LRRC4C: variants seen among roughly 807,000 people sequenced by gnomAD.
LRRC4C encodes leucine-rich repeat-containing protein 4C.
A neutral mutation model predicts 33.6 loss-of-function variants in LRRC4C; 5 were observed. The observed-to-expected ratio is 0.15, with a 90% CI of 0.08 to 0.31. The LOEUF (loss-of-function observed/expected upper bound fraction) is 0.31. LRRC4C is among the 10% of genes least tolerant of loss of function. LRRC4C has a pLI of 1.00. For missense variants in LRRC4C, 560 were observed against 796.7 expected (o/e 0.70, Z 3.58); for synonymous variants, 329 against 302.0 (o/e 1.09, Z -0.93).
chr11:40,923,960 A>C (rs1471771178), intron 2 of LRRC4C, among the ~76,000 whole-genome samples: 1 of 152,062 alleles, frequency 6.6e-6, no homozygotes, highest in Non-Finnish European at 1.5e-5. Context: ...TTAGCAATGC[A>C]TTAGAGAAAA....
intron 3 of LRRC4C, among the ~76,000 whole-genome samples, chr11:40,583,177 A>G (rs1460299042): frequency 1.3e-5 from 2 of 152,144 alleles, no homozygotes; most frequent in African/African-American, 2.4e-5. Flanking sequence ...GGGTGACCAC[A>G]TGACTGATAA....
At chr11:40,938,016 A>G (rs1283490534) in intron 1 of LRRC4C, among the ~76,000 whole-genome samples, 1 of 152,144 alleles carries the variant, frequency 6.6e-6, no homozygotes, top group African/African-American at 2.4e-5. Flanking sequence ...GAGTAATAGC[A>G]GTAATTCTCT....
chr11:41,351,250 C>T (rs975940307), intron 1 of LRRC4C, among the ~76,000 whole-genome samples: 6 of 88,604 alleles, frequency 6.8e-5, no homozygotes, highest in African/African-American at 2.0e-4. Flanking sequence ...CACACACACA[C>T]ATACACACAC....
chr11:40,159,120 T>G (rs1858949839), intron 5 of LRRC4C, among the ~76,000 whole-genome samples: 1 of 152,070 alleles, frequency 6.6e-6, no homozygotes, highest in Admixed American at 6.5e-5. Flanking sequence ...AGATGAAAAT[T>G]TGGTCGTTGT....
chr11:41,318,774 C>T (rs1950869479), intron 1 of LRRC4C, among the ~76,000 whole-genome samples: 1 of 152,016 alleles, frequency 6.6e-6, no homozygotes, highest in African/African-American at 2.4e-5. Context: ...TTTCACTAAC[C>T]TCTCCTTTTC....
chr11:40,334,539 G>A lies in LRRC4C; in HGVS notation c.-269-14818C>T, dbSNP rs370683538. Among the ~76,000 whole-genome samples the A allele has an allele frequency of 3.4e-4, 52 of 152,262 alleles. 1 individual carries two copies. The South Asian group carries it at 0.011, about 31-fold the overall frequency. On this transcript the variant is annotated intron_variant, in intron 3 of 6. Transcript: ENST00000528697. ...GTCTACCTTCTATCTCATTAGGTGT[G>A]TGTACTCATAATTGTTTTGTGGTTA...
chr11:40,944,694 C>G (rs1286099540), intron 1 of LRRC4C, among the ~76,000 whole-genome samples: 1 of 152,078 alleles, frequency 6.6e-6, no homozygotes, highest in African/African-American at 2.4e-5. Context: ...ATTCTGCAAA[C>G]ACCTGGTAGG....
At chr11:40,169,635 A>G (rs1320340432) in intron 5 of LRRC4C, among the ~76,000 whole-genome samples, 1 of 152,190 alleles carries the variant, frequency 6.6e-6, no homozygotes, top group Non-Finnish European at 1.5e-5. Flanking sequence ...ATTGTTGGGA[A>G]AGACAAGGCA....
In LRRC4C at chr11:40,574,820, C is replaced by T. The variant is rs536868379; in HGVS notation, c.-270+73322G>A. Among the ~76,000 whole-genome samples the T allele has an allele frequency of 3.5e-3, 537 of 152,276 alleles. 1 individual carries two copies. Among genetic ancestry groups the T allele is most frequent in the African/African-American group, 0.01 (432 of 41,552 alleles). Reference sequence around the variant, plus strand: ...TTCATTCAATTTCTTTCCACATCCTCCTCCCAGGACCTTACAAAGAGCTGC... The same window carrying T: ...TTCATTCAATTTCTTTCCACATCCTTCTCCCAGGACCTTACAAAGAGCTGC... On this transcript the variant is annotated intron_variant, in intron 3 of 6. Transcript: ENST00000528697.
intron 1 of LRRC4C, among the ~76,000 whole-genome samples, chr11:41,175,831 T>C (rs1364067171): frequency 6.6e-6 from 1 of 152,322 alleles, no homozygotes; most frequent in East Asian, 1.9e-4. Flanking sequence ...CTATTCTTCC[T>C]GCAATCCTTT....
intron 2 of LRRC4C, among the ~76,000 whole-genome samples, chr11:40,845,112 A>C (rs538238210): frequency 1.3e-5 from 2 of 151,588 alleles, no homozygotes; most frequent in African/African-American, 4.9e-5. Flanking sequence ...TAATTTGTTA[A>C]TTTTTTCATA....
intron 3 of LRRC4C, among the ~76,000 whole-genome samples, chr11:40,418,581 A>G (rs1360497832): frequency 6.6e-6 from 1 of 152,194 alleles, no homozygotes; most frequent in African/African-American, 2.4e-5. Context: ...AACCGGAAAT[A>G]CCATTTTAGC....
intron 1 of LRRC4C, among the ~76,000 whole-genome samples, chr11:40,959,481 C>A (rs1379716686): frequency 2.0e-5 from 3 of 151,440 alleles, no homozygotes; most frequent in African/African-American, 7.3e-5. Flanking sequence ...TATCAATGGA[C>A]ATAATTATAT....
At chr11:40,470,514 C>A (rs1223175356) in intron 3 of LRRC4C, among the ~76,000 whole-genome samples, 1 of 152,156 alleles carries the variant, frequency 6.6e-6, no homozygotes. Context: ...AGCAAGGGAA[C>A]AAAACTGGAC....
intron 3 of LRRC4C, among the ~76,000 whole-genome samples, chr11:40,401,017 C>G (rs1272224134): frequency 6.6e-6 from 1 of 151,998 alleles, no homozygotes; most frequent in Non-Finnish European, 1.5e-5. Context: ...AGTAAATGCT[C>G]GATAAATATT....
chr11:41,317,832 A>T (rs554855626), intron 1 of LRRC4C, among the ~76,000 whole-genome samples: 1 of 152,282 alleles, frequency 6.6e-6, no homozygotes, highest in Admixed American at 6.5e-5. Flanking sequence ...TGAAAGCTTT[A>T]ACAATATATT....
At chr11:40,498,565 C>G (rs1954586818) in intron 3 of LRRC4C, among the ~76,000 whole-genome samples, 1 of 152,068 alleles carries the variant, frequency 6.6e-6, no homozygotes, top group Non-Finnish European at 1.5e-5. Flanking sequence ...CATCTTAGGT[C>G]GATAGCCTTG....
intron 2 of LRRC4C, among the ~76,000 whole-genome samples, chr11:40,787,543 A>C (rs4296032): frequency 0.27 from 40,325 of 152,088 alleles, 7,169 homozygotes; most frequent in African/African-American, 0.51. Context: ...AATCTTTGAA[A>C]TGCTAATGGC....
In LRRC4C at chr11:41,134,867, A is replaced by AT. The variant is rs572479253; in HGVS notation, c.-495-201145dup. Among the ~76,000 whole-genome samples, 208 of 152,270 alleles carry AT rather than the reference A, an allele frequency of 1.4e-3. 1 individual carries two copies. The highest frequency in any genetic ancestry group is 4.7e-3 in the African/African-American group (197 of 41,560). ...TAATAACAGGTGGGTAAAAAGAAAG[A>AT]TCCCCCACCCAAACAATAAAAACAA... On this transcript the variant is annotated intron_variant, in intron 1 of 6. Coordinates refer to ENST00000528697, the MANE Select transcript of LRRC4C (RefSeq NM_001258419.2).
Sources: allele counts gnomAD v4.1 joint callset (sites outside exome capture counted in the v4.1 genomes callset), GRCh38; gene constraint gnomAD v4.1.1; transcripts MANE v1.5; gene names NCBI Gene and HGNC (gene_info 2026-07-23, HGNC 2026-07-21).